AKAP7: variants seen among roughly 807,000 people sequenced by gnomAD.
AKAP7 encodes A kinase (PRKA) anchor protein 7.
Under a neutral mutation model 39.5 loss-of-function variants are expected in AKAP7, and 39 were observed. The observed-to-expected ratio is 0.99, with a 90% CI of 0.76 to 1.29. AKAP7 has a LOEUF of 1.29. Among genes scored for constraint, AKAP7 ranks in the 50% most tolerant of loss-of-function variants. The probability of loss-of-function intolerance (pLI) is 0.00; values close to 1 mark genes in which losing one functional copy is unlikely to be tolerated. For synonymous variants in AKAP7, 140 were observed against 139.1 expected, an observed-to-expected ratio of 1.01 and a Z score of -0.05; for missense variants, 414 against 407.7, an observed-to-expected ratio of 1.02 and a Z score of -0.13.
At chr6:131,242,955 T>A (rs1054401898) in intron 7 of AKAP7, among the ~76,000 whole-genome samples, 14 of 152,152 alleles carry the variant, frequency 9.2e-5, no homozygotes, top group Non-Finnish European at 2.1e-4. Flanking sequence ...GAAACGCTGG[T>A]AGGGCCCAAT....
At position 131,199,498 on chromosome 6, in the gene AKAP7, G is replaced by A. The variant is rs1474087359; in HGVS notation, c.627G>A (p.Leu209=). 8.7e-6 allele frequency: 14 copies of A among 1,610,514 alleles called. No homozygotes were observed. The highest frequency in any genetic ancestry group is 1.1e-5 in the Non-Finnish European group (13 of 1,177,234). Reference sequence around the variant, plus strand: ...GGACATTTCAAGAAAAAGGCATCCTGGTAGGAGAGAGCAGAAGTTTTAAAC... The same window carrying A: ...GGACATTTCAAGAAAAAGGCATCCTAGTAGGAGAGAGCAGAAGTTTTAAAC... The part of the protein sequence containing the change: ...ANRTFQEKGI[L]VGESRSFKPH... The change falls in exon 6 of 8, where the codon CTG becomes CTA. Residue 209 remains leucine, a synonymous_variant. Coordinates refer to ENST00000431975, the MANE Select transcript of AKAP7 (RefSeq NM_016377.4).
At chr6:131,187,897 G>A (rs924050057) in intron 5 of AKAP7, among the ~76,000 whole-genome samples, 13 of 152,276 alleles carry the variant, frequency 8.5e-5, no homozygotes, top group Non-Finnish European at 8.8e-5. Context: ...TGGATTTGCT[G>A]GTTGTTAGGA....
intron 4 of AKAP7, among the ~76,000 whole-genome samples, chr6:131,168,761 T>G (rs771082841): frequency 5.9e-5 from 9 of 152,226 alleles, no homozygotes; most frequent in Non-Finnish European, 1.0e-4. Context: ...TAATCTAATG[T>G]AAGCTCTTGT....
At chr6:131,175,800 G>C (rs938819012) in intron 5 of AKAP7, among the ~76,000 whole-genome samples, 1 of 152,196 alleles carries the variant, frequency 6.6e-6, no homozygotes, top group Non-Finnish European at 1.5e-5. Flanking sequence ...GGTCACAGAG[G>C]AGAAGCTGAG....
chr6:131,164,072 A>G (rs1052563151), intron 3 of AKAP7, among the ~76,000 whole-genome samples: 7 of 152,148 alleles, frequency 4.6e-5, no homozygotes, highest in African/African-American at 1.7e-4. Context: ...TAATGGGAAC[A>G]TTGTTCAGGA....
intron 7 of AKAP7, among the ~76,000 whole-genome samples, chr6:131,274,158 T>C (rs1814550595): frequency 6.6e-6 from 1 of 152,160 alleles, no homozygotes; most frequent in East Asian, 1.9e-4. Context: ...TTTAAGATTT[T>C]CTTTTAATAC....
Position 131,268,102 on chromosome 6 carries a change from T to A in AKAP7, c.851-13428T>A, listed in dbSNP as rs116418252. Among the ~76,000 whole-genome samples the A allele has an allele frequency of 5.4e-3, 829 of 152,240 alleles. 4 individuals are homozygous for A. The highest frequency in any genetic ancestry group is 0.017 in the African/African-American group (693 of 41,542). ...AATTGTATTGCATTAATCAGGACCA[T>A]TATTTAGTATTGGACATTTCAAGCT... On this transcript the variant is annotated intron_variant, in intron 7 of 7. Transcript: ENST00000431975.
chr6:131,277,001 A>T (rs1814797861), intron 7 of AKAP7, among the ~76,000 whole-genome samples: 1 of 152,164 alleles, frequency 6.6e-6, no homozygotes. Context: ...TTGCTACCAC[A>T]AAGGAGTTAT....
intron 5 of AKAP7, among the ~76,000 whole-genome samples, chr6:131,195,958 C>T (rs1231583503): frequency 2.0e-5 from 3 of 152,086 alleles, no homozygotes; most frequent in Non-Finnish European, 4.4e-5. Flanking sequence ...TGTTCTATAA[C>T]CTTCTTGTAC....
rs75192146 is a variant in AKAP7, at chr6:131,242,034, C to T, written c.850+22226C>T. 520 of 976,330 alleles carry T rather than the reference C, an allele frequency of 5.3e-4. 15 individuals are homozygous for T. In the East Asian group the frequency reaches 0.042, roughly 79 times the overall value. The allele number at this position is 976,330 out of a possible 1,614,324, so 60.5% of individuals were successfully genotyped here. ...TTTAAATTCTGTCTTTTTTAATTAA[C>T]CCACAGGGATCCTTTGATATTGTAT... On this transcript the variant is annotated intron_variant, in intron 7 of 7. Coordinates refer to ENST00000431975, the MANE Select transcript of AKAP7 (RefSeq NM_016377.4).
chr6:131,132,895 T>G (rs951603010), upstream of AKAP7, among the ~76,000 whole-genome samples: 3 of 152,140 alleles, frequency 2.0e-5, no homozygotes, highest in South Asian at 2.1e-4. Flanking sequence ...TTACATGGAG[T>G]AAAAATATGT....
chr6:131,188,531 T>C (rs998603153), intron 5 of AKAP7, among the ~76,000 whole-genome samples: 1 of 148,124 alleles, frequency 6.8e-6, no homozygotes, highest in African/African-American at 2.7e-5. Context: ...ACATTAGTTT[T>C]GTTGTTGTTG....
intron 2 of AKAP7, among the ~76,000 whole-genome samples, chr6:131,154,256 C>T (rs1410758768): frequency 1.3e-5 from 2 of 152,082 alleles, no homozygotes; most frequent in African/African-American, 4.8e-5. Context: ...ATTTCATAAC[C>T]CACTAATGGG....
chr6:131,135,522 CGCCGCCG>C lies in AKAP7; in HGVS notation c.-241_-235del, dbSNP rs1562852558. On this transcript the variant is annotated 5_prime_UTR_variant, in exon 1 of 8. Transcript: ENST00000431975. ...CGGGTGCTGCGGCTGCTGCGGCTGCCGCCGCCGCTGCTGCCGCTGCCGCGGGGGCTGC... is the reference window on the plus strand; with the variant it reads ...CGGGTGCTGCGGCTGCTGCGGCTGCCCTGCTGCCGCTGCCGCGGGGGCTGC... 3.0e-5 allele frequency: 5 copies of C among 167,310 alleles called. No individual in the cohort carries two copies. Among genetic ancestry groups the C allele is most frequent in the African/African-American group, 1.2e-4 (5 of 40,280 alleles). 10.4% of individuals were successfully genotyped at this position (167,310 alleles called of 1,614,324 possible).
chr6:131,126,313 T>TA, the AKAP7 span, among the ~76,000 whole-genome samples: 1 of 152,336 alleles, frequency 6.6e-6, no homozygotes, highest in African/African-American at 2.4e-5. Context: ...AATTACTAAT[T>TA]ACAATATTCC....
intron 7 of AKAP7, among the ~76,000 whole-genome samples, chr6:131,226,928 A>T (rs1463245682): frequency 2.0e-5 from 3 of 152,218 alleles, no homozygotes; most frequent in African/African-American, 4.8e-5. Context: ...TCTCTCGGGT[A>T]TCATGTGATA....
chr6:131,165,725 A>G (rs1159474831), intron 4 of AKAP7, among the ~76,000 whole-genome samples: 1 of 152,144 alleles, frequency 6.6e-6, no homozygotes, highest in Admixed American at 6.5e-5. Context: ...TTTTAGAGTC[A>G]CTGTACTCTA....
intron 5 of AKAP7, among the ~76,000 whole-genome samples, chr6:131,196,831 A>G (rs916610947): frequency 6.6e-6 from 1 of 152,146 alleles, no homozygotes; most frequent in African/African-American, 2.4e-5. Flanking sequence ...GATGCTTGTG[A>G]AATCATAGCA....
intron 2 of AKAP7, among the ~76,000 whole-genome samples, chr6:131,150,252 G>A (rs17060065): frequency 0.11 from 15,996 of 152,082 alleles, 969 homozygotes; most frequent in Middle Eastern, 0.2. Flanking sequence ...ATTCTACTCT[G>A]TAATAACTGA....
Sources: allele counts gnomAD v4.1 joint callset (sites outside exome capture counted in the v4.1 genomes callset), GRCh38; gene constraint gnomAD v4.1.1; transcripts MANE v1.5; gene names NCBI Gene and HGNC (gene_info 2026-07-23, HGNC 2026-07-21).